SPIRE1: variants seen among roughly 807,000 people sequenced by gnomAD.
The protein encoded by SPIRE1 is spire type actin nucleation factor 1, also known as protein spire homolog 1.
A neutral mutation model predicts 94.1 loss-of-function variants in SPIRE1; 40 were observed. The observed-to-expected ratio is 0.43, with a 90% CI of 0.33 to 0.55. The LOEUF is 0.55. Ranked by LOEUF, SPIRE1 falls within the 20% of genes least tolerant of loss-of-function variation. The pLI, the probability that SPIRE1 is intolerant of heterozygous loss-of-function variation, is 0.06. For synonymous variants in SPIRE1, 376 were observed against 371.7 expected (o/e 1.01, Z -0.13); for missense variants, 838 against 975.2 (o/e 0.86, Z 1.87).
chr18:12,508,338 A>G (rs1265553055), intron 5 of SPIRE1, among the ~76,000 whole-genome samples: 1 of 152,212 alleles, frequency 6.6e-6, no homozygotes. Context: ...ACCAAAAAAT[A>G]TAAAAACCAT....
At chr18:12,501,926 C>T (rs1364650960) in intron 6 of SPIRE1, among the ~76,000 whole-genome samples, 1 of 152,332 alleles carries the variant, frequency 6.6e-6, no homozygotes, top group Non-Finnish European at 1.5e-5. Context: ...CATGCCACTG[C>T]ACTCCAGCCC....
At chr18:12,581,612 C>T (rs754650665) in intron 2 of SPIRE1, among the ~76,000 whole-genome samples, 38 of 152,078 alleles carry the variant, frequency 2.5e-4, no homozygotes, top group Non-Finnish European at 4.6e-4. Context: ...GCCCGTAATC[C>T]CGGCATTCTG....
chr18:12,536,203 A>G (rs971096841), intron 3 of SPIRE1, among the ~76,000 whole-genome samples: 2 of 152,164 alleles, frequency 1.3e-5, no homozygotes, highest in Non-Finnish European at 2.9e-5. Context: ...ACAGAAAGAG[A>G]ACCACCGTTT....
Position 12,549,438 on chromosome 18 carries a change from TG to T in SPIRE1, c.373-2535del, listed in dbSNP as rs1304918806. 4.2e-3 allele frequency among the ~76,000 whole-genome samples: 521 copies of T among 123,280 alleles called. 27 individuals carry two copies. The highest frequency in any genetic ancestry group is 6.5e-3 in the Non-Finnish European group (378 of 58,164). The allele number at this position is 123,280 out of a possible 152,430, so 80.9% of individuals were successfully genotyped here. ...GCTTTTTGTTTGTTTTTGTTATTGT[TG>T]TTTTTTTTTTTTTTTTTTTTTTTTT... On this transcript the variant is annotated intron_variant, in intron 2 of 16. Transcript: ENST00000409402.
chr18:12,463,515 A>G, intron 11 of SPIRE1, 22 bp from the exon 12 acceptor site: 1 of 1,591,994 alleles, frequency 6.3e-7, no homozygotes, highest in Non-Finnish European at 8.6e-7. Flanking sequence ...ACCAAATGAA[A>G]TAAAACTTAC....
At chr18:12,601,889 A>G (rs1253164826) in intron 2 of SPIRE1, among the ~76,000 whole-genome samples, 1 of 152,008 alleles carries the variant, frequency 6.6e-6, no homozygotes, top group Non-Finnish European at 1.5e-5. Flanking sequence ...GCACAACAAG[A>G]TGATTTGGCC....
rs201510377 is a variant in SPIRE1 at position 12,457,846 on chromosome 18, CTTTTTTT to C, written c.1639-3370_1639-3364del. ...AATAGTCACCTTTCTTTTCTTTTTT[CTTTTTTT>C]TTTTTTTTTGAGATGGAGTCTCGCT... On this transcript the variant is annotated intron_variant, in intron 12 of 16. Transcript: ENST00000409402. 2.3e-4 allele frequency among the ~76,000 whole-genome samples: 30 copies of C among 132,248 alleles called. 1 individual carries two copies. In the East Asian group the frequency reaches 2.6e-3, roughly 12 times the overall value. 86.8% of individuals were successfully genotyped at this position (132,248 alleles called of 152,430 possible). A position where few individuals can be genotyped will look rare whatever the true frequency, so the allele number is the denominator to read the frequency against.
chr18:12,607,295 AACAG>A (rs955316313), intron 2 of SPIRE1, among the ~76,000 whole-genome samples: 8 of 152,328 alleles, frequency 5.3e-5, no homozygotes, highest in Middle Eastern at 3.4e-3. Context: ...AGTGGCCTTC[AACAG>A]ACATTTTCCA....
intron 2 of SPIRE1, among the ~76,000 whole-genome samples, chr18:12,573,874 G>A (rs1398624300): frequency 6.6e-6 from 1 of 152,026 alleles, no homozygotes; most frequent in African/African-American, 2.4e-5. Context: ...CGAGTAGCTG[G>A]GACTACAGGT....
chr18:12,552,608 C>A (rs2035383930), intron 2 of SPIRE1, among the ~76,000 whole-genome samples: 1 of 152,076 alleles, frequency 6.6e-6, no homozygotes, highest in African/African-American at 2.4e-5. Flanking sequence ...AAAGATCAAC[C>A]CCTGACCTAA....
chr18:12,656,706 C>A, intron 1 of SPIRE1: 4 of 982,304 alleles, frequency 4.1e-6, no homozygotes, highest in Non-Finnish European at 4.8e-6. Context: ...TCTCAACCTC[C>A]TCCTCCTCTT....
At chr18:12,653,646 T>A (rs983528311) in intron 1 of SPIRE1, among the ~76,000 whole-genome samples, 1 of 152,182 alleles carries the variant, frequency 6.6e-6, no homozygotes, top group Non-Finnish European at 1.5e-5. Flanking sequence ...TCCCTAAACG[T>A]CCATTTAGAA....
chr18:12,479,183 T>C (rs1292235066), intron 10 of SPIRE1, among the ~76,000 whole-genome samples: 5 of 148,574 alleles, frequency 3.4e-5, no homozygotes, highest in African/African-American at 9.9e-5. Flanking sequence ...TTTCTTTTTT[T>C]TTTTTTTTTG....
chr18:12,617,099 A>T (rs1366578361), intron 2 of SPIRE1, among the ~76,000 whole-genome samples: 6 of 149,466 alleles, frequency 4.0e-5, no homozygotes, highest in Non-Finnish European at 7.4e-5. Flanking sequence ...ACCTCAAGTG[A>T]TCCTCCAGCC....
At chr18:12,471,532 C>T (rs1357871707) in intron 10 of SPIRE1, among the ~76,000 whole-genome samples, 1 of 152,068 alleles carries the variant, frequency 6.6e-6, no homozygotes, top group Non-Finnish European at 1.5e-5. Flanking sequence ...CTATGTTGGC[C>T]AGGCTGGTCT....
intron 2 of SPIRE1, among the ~76,000 whole-genome samples, chr18:12,556,778 G>A (rs754464641): frequency 2.0e-5 from 3 of 152,158 alleles, no homozygotes; most frequent in Non-Finnish European, 4.4e-5. Flanking sequence ...TCATAAAGGT[G>A]GTGAGGACCC....
At chr18:12,610,334 A>AT (rs1475266064) in intron 2 of SPIRE1, among the ~76,000 whole-genome samples, 1 of 151,818 alleles carries the variant, frequency 6.6e-6, no homozygotes, top group Non-Finnish European at 1.5e-5. Flanking sequence ...GCCTCCACCT[A>AT]TCTTTCTAGT....
chr18:12,463,554 A>T, intron 11 of SPIRE1, 61 bp from the exon 12 acceptor site: 1 of 1,332,842 alleles, frequency 7.5e-7, no homozygotes, highest in Non-Finnish European at 1.1e-6. Context: ...AAACCTTTTG[A>T]CATTTGTGAC....
At chr18:12,554,291 C>T (rs1170381134) in intron 2 of SPIRE1, among the ~76,000 whole-genome samples, 17 of 121,328 alleles carry the variant, frequency 1.4e-4, no homozygotes, top group Admixed American at 2.8e-4. Context: ...GAGCAAGACT[C>T]TGTTCAAAAA....
Sources: gnomAD v4.1 joint callset for allele counts (sites outside exome capture counted in the v4.1 genomes callset) on GRCh38, gnomAD v4.1.1 for gene constraint, MANE v1.5 for transcripts, NCBI Gene and HGNC (gene_info 2026-07-23, HGNC 2026-07-21) for gene names.